Variants in PPP6R3 observed in about 807,000 individuals in gnomAD.
The protein encoded by PPP6R3 is serine/threonine-protein phosphatase 6 regulatory subunit 3.
Under a neutral mutation model 110.7 loss-of-function variants are expected in PPP6R3, and 38 were observed. The observed-to-expected ratio is 0.34, with a 90% CI of 0.26 to 0.45. The LOEUF (loss-of-function observed/expected upper bound fraction) is 0.45. Among genes scored for constraint, PPP6R3 ranks in the 20% least tolerant of loss-of-function variants. PPP6R3 has a pLI of 1.00. For synonymous variants in PPP6R3, 369 were observed against 373.5 expected, an observed-to-expected ratio of 0.99 and a Z score of 0.14; for missense variants, 870 against 1,062.4, an observed-to-expected ratio of 0.82 and a Z score of 2.52.
At chr11:68,516,333 T>G (rs1406117965) in intron 1 of PPP6R3, among the ~76,000 whole-genome samples, 1 of 152,230 alleles carries the variant, frequency 6.6e-6, no homozygotes, top group African/African-American at 2.4e-5. Flanking sequence ...CTCATGTGAC[T>G]GGTTGCAGTC....
At chr11:68,550,958 A>G in intron 5 of PPP6R3, 163 bp from the exon 6 acceptor site, 1 of 565,236 alleles carries the variant, frequency 1.8e-6, no homozygotes, top group Non-Finnish European at 3.1e-6. Context: ...ATTCACTGGC[A>G]TTTTCCTTGG....
chr11:68,582,148 C>G (rs181141458), intron 14 of PPP6R3, among the ~76,000 whole-genome samples: 1 of 152,136 alleles, frequency 6.6e-6, no homozygotes, highest in Non-Finnish European at 1.5e-5. Flanking sequence ...GATGACATTC[C>G]CTGCCCAAAA....
At chr11:68,544,762 C>G (rs2099341904) in intron 3 of PPP6R3, 76 bp from the exon 4 acceptor site, 7 of 996,430 alleles carry the variant, frequency 7.0e-6, no homozygotes, top group Non-Finnish European at 8.5e-6. Context: ...TCTTGGGAAG[C>G]CTTTCTGATT....
At position 68,466,873 on chromosome 11, in the gene PPP6R3, A is replaced by T. The variant is rs527591065; in HGVS notation, c.-158+6046A>T. Among the ~76,000 whole-genome samples, 4 of 151,888 alleles carry T rather than the reference A, an allele frequency of 2.6e-5. No homozygotes were observed. In the East Asian group the frequency reaches 7.9e-4, roughly 30 times the overall value. On this transcript the variant is annotated intron_variant, in intron 1 of 23. Transcript: ENST00000393800. ...TGTGATCCGCCCGCCTTGGCCTCCC[A>T]AAGTGCTGGGATTACAGGCGTGAGC... is the stretch of plus-strand genomic sequence containing the variant.
intron 1 of PPP6R3, among the ~76,000 whole-genome samples, chr11:68,471,799 C>T (rs2098793710): frequency 6.6e-6 from 1 of 152,028 alleles, no homozygotes; most frequent in Admixed American, 6.6e-5. Flanking sequence ...CTTGGGAAGG[C>T]AGCAGGAAGT....
At position 68,501,606 on chromosome 11, in the gene PPP6R3, C is replaced by T. The variant is rs567299804; in HGVS notation, c.-157-17895C>T. Among the ~76,000 whole-genome samples the T allele has an allele frequency of 3.2e-4, 49 of 152,336 alleles. No homozygotes were observed. The South Asian group carries it at 7.5e-3, about 23-fold the overall frequency. Reference sequence around the variant, plus strand: ...CCTCACAAAGTGCTGGGATTACAGGCGTGAGCCACTGTGCCCAGCCTTCAA... The same window carrying T: ...CCTCACAAAGTGCTGGGATTACAGGTGTGAGCCACTGTGCCCAGCCTTCAA... On this transcript the variant is annotated intron_variant, in intron 1 of 23. Coordinates refer to ENST00000393800, the MANE Select transcript of PPP6R3 (RefSeq NM_001164161.2).
At chr11:68,602,234 A>G (rs1483263365) in intron 21 of PPP6R3, among the ~76,000 whole-genome samples, 1 of 152,244 alleles carries the variant, frequency 6.6e-6, no homozygotes, top group Non-Finnish European at 1.5e-5. Context: ...CTAAGCCCAT[A>G]GTACCCAGGG....
At chr11:68,510,411 A>C (rs1356491540) in intron 1 of PPP6R3, among the ~76,000 whole-genome samples, 1 of 151,714 alleles carries the variant, frequency 6.6e-6, no homozygotes, top group Non-Finnish European at 1.5e-5. Context: ...GACACAGTTT[A>C]CCGTAGCCTC....
intron 1 of PPP6R3, among the ~76,000 whole-genome samples, chr11:68,497,229 T>G (rs2099022905): frequency 7.6e-6 from 1 of 131,496 alleles, no homozygotes; most frequent in African/African-American, 2.7e-5. Flanking sequence ...TTTTTTTTTG[T>G]ATTTTTAGTA....
chr11:68,539,396 C>T (rs1237917613), intron 3 of PPP6R3, among the ~76,000 whole-genome samples: 1 of 152,200 alleles, frequency 6.6e-6, no homozygotes, highest in Admixed American at 6.5e-5. Context: ...CACCCCCCGC[C>T]GTTATAACAG....
chr11:68,586,018 C>T (rs1293902759), intron 15 of PPP6R3, among the ~76,000 whole-genome samples: 2 of 151,382 alleles, frequency 1.3e-5, no homozygotes, highest in East Asian at 4.4e-4. Context: ...AGTCTGGCTG[C>T]TCTGGAGGCT....
chr11:68,565,137 G>T (rs2099456014), intron 9 of PPP6R3, among the ~76,000 whole-genome samples: 1 of 151,216 alleles, frequency 6.6e-6, no homozygotes, highest in Non-Finnish European at 1.5e-5. Context: ...TATCTCGGTG[G>T]TTATCTACTG....
intron 1 of PPP6R3, among the ~76,000 whole-genome samples, chr11:68,493,134 A>G (rs944014323): frequency 1.3e-5 from 2 of 152,114 alleles, no homozygotes; most frequent in Admixed American, 1.3e-4. Flanking sequence ...CTGCCCTCAA[A>G]GCAGTTATGA....
At chr11:68,498,630 G>C (rs73516891) in intron 1 of PPP6R3, among the ~76,000 whole-genome samples, 3,574 of 152,138 alleles carry the variant, frequency 0.023, 74 homozygotes, top group African/African-American at 0.058. Flanking sequence ...CTTTCTCTTG[G>C]CATTGTTTGT....
chr11:68,522,136 A>G (rs937131355), intron 2 of PPP6R3, among the ~76,000 whole-genome samples: 2 of 152,256 alleles, frequency 1.3e-5, no homozygotes, highest in Non-Finnish European at 2.9e-5. Flanking sequence ...GTCATTACAT[A>G]GTAAATTAAT....
At chr11:68,525,241 G>A (rs2099190341) in intron 2 of PPP6R3, among the ~76,000 whole-genome samples, 1 of 152,220 alleles carries the variant, frequency 6.6e-6, no homozygotes, top group Non-Finnish European at 1.5e-5. Flanking sequence ...CTAAAAGCAT[G>A]AAGCCCAGAG....
intron 9 of PPP6R3, among the ~76,000 whole-genome samples, chr11:68,566,348 T>C (rs2099469591): frequency 1.3e-5 from 2 of 151,766 alleles, no homozygotes; most frequent in African/African-American, 2.4e-5. Flanking sequence ...TCCTCCTCCT[T>C]TTTTCTTCCT....
At chr11:68,580,776 T>C (rs1593514691) in intron 14 of PPP6R3, among the ~76,000 whole-genome samples, 2 of 31,446 alleles carry the variant, frequency 6.4e-5, no homozygotes, top group African/African-American at 2.2e-4. Flanking sequence ...TTTTTTTTTT[T>C]TTTTTTTTTT....
At chr11:68,515,969 T>C (rs2099134572) in intron 1 of PPP6R3, among the ~76,000 whole-genome samples, 1 of 152,356 alleles carries the variant, frequency 6.6e-6, no homozygotes, top group South Asian at 2.1e-4. Context: ...TTCATAACAT[T>C]GTGCAATCAG....
Sources: allele counts gnomAD v4.1 joint callset (sites outside exome capture counted in the v4.1 genomes callset), GRCh38; gene constraint gnomAD v4.1.1; transcripts MANE v1.5; gene names NCBI Gene and HGNC (gene_info 2026-07-23, HGNC 2026-07-21).